Variants in MTCL2 observed in about 807,000 individuals in gnomAD.
The protein encoded by MTCL2 is microtubule cross-linking factor 2.
chr20:36,813,841 T>C, the MTCL2 span, among the ~76,000 whole-genome samples: 7 of 151,118 alleles, frequency 4.6e-5, no homozygotes, highest in Admixed American at 2.6e-4. Flanking sequence ...TTCCCTGCCA[T>C]TGCTCTGAGG....
the MTCL2 span, among the ~76,000 whole-genome samples, chr20:36,840,428 A>C: frequency 6.6e-6 from 1 of 151,158 alleles, no homozygotes; most frequent in East Asian, 2.0e-4. Context: ...TCGGCCTCCC[A>C]AATTGCTGGG....
the MTCL2 span, among the ~76,000 whole-genome samples, chr20:36,813,313 T>TAA: frequency 7.6e-4 from 32 of 41,900 alleles, 4 homozygotes; most frequent in Non-Finnish European, 9.3e-4. Context: ...ACTGTTTCTT[T>TAA]AAAAAAAAAA....
At chr20:36,805,764 T>C in the MTCL2 span, 2 of 1,155,900 alleles carry the variant, frequency 1.7e-6, no homozygotes, top group East Asian at 2.6e-5. Flanking sequence ...TGTCCAGGAA[T>C]GGGGTCAGAG....
At chr20:36,790,227 A>G in the MTCL2 span, among the ~76,000 whole-genome samples, 2 of 151,152 alleles carry the variant, frequency 1.3e-5, no homozygotes, top group Non-Finnish European at 2.9e-5. Flanking sequence ...TCCTGACCTC[A>G]TGATCCACCC....
the MTCL2 span, chr20:36,815,070 C>A: frequency 6.7e-7 from 1 of 1,483,874 alleles, no homozygotes. The surrounding 1 kb of genome is among the most constrained non-coding windows in gnomAD (Gnocchi z 5.3). Context: ...TCAAGAAAAA[C>A]AAAACAAAAC....
chr20:36,833,825 C>T, the MTCL2 span, among the ~76,000 whole-genome samples: 33 of 152,006 alleles, frequency 2.2e-4, no homozygotes, highest in South Asian at 1.0e-3. Flanking sequence ...GTACTGCAGC[C>T]TGGGTGACAA....
the MTCL2 span, chr20:36,812,982 G>C: frequency 9.5e-7 from 1 of 1,053,404 alleles, no homozygotes; most frequent in East Asian, 2.6e-5. Flanking sequence ...GACCCTGGTA[G>C]ATTCACCTCT....
chr20:36,783,830 G>C, the MTCL2 span: 1 of 985,078 alleles, frequency 1.0e-6, no homozygotes, highest in Non-Finnish European at 1.2e-6. Flanking sequence ...CCCCAAAAAA[G>C]AAAACAACCA....
chr20:36,828,678 T>G, the MTCL2 span: 3 of 193,314 alleles, frequency 1.6e-5, no homozygotes, highest in Non-Finnish European at 2.1e-5. Flanking sequence ...CACTGCCCCA[T>G]TGTATAGGTA....
At chr20:36,817,707 G>A in the MTCL2 span, among the ~76,000 whole-genome samples, 2 of 152,198 alleles carry the variant, frequency 1.3e-5, no homozygotes, top group Non-Finnish European at 2.9e-5. Context: ...CACCTGCTCA[G>A]GGCTCCTCCC....
the MTCL2 span, chr20:36,815,858 G>T: frequency 6.2e-7 from 1 of 1,603,094 alleles, no homozygotes; most frequent in South Asian, 1.1e-5. The surrounding 1 kb of genome is among the most constrained non-coding windows in gnomAD (Gnocchi z 5.3). Context: ...CGGCAGAGGA[G>T]CGCCGCAGCA....
At chr20:36,784,998 C>A in the MTCL2 span, 1 of 985,446 alleles carries the variant, frequency 1.0e-6, no homozygotes. Flanking sequence ...AGAAAGGTGT[C>A]AGAGGGAGGG....
the MTCL2 span, chr20:36,785,732 G>A: frequency 4.6e-5 from 45 of 985,348 alleles, no homozygotes; most frequent in Non-Finnish European, 5.3e-5. Flanking sequence ...TGCTGGGAAC[G>A]TTGGGGCCCC....
the MTCL2 span, among the ~76,000 whole-genome samples, chr20:36,814,804 T>C: frequency 4.6e-5 from 7 of 152,292 alleles, no homozygotes; most frequent in African/African-American, 1.7e-4. Flanking sequence ...GGAGAATCGC[T>C]TGAACCTGGG....
At chr20:36,798,569 A>T in the MTCL2 span, among the ~76,000 whole-genome samples, 1 of 152,216 alleles carries the variant, frequency 6.6e-6, no homozygotes, top group Non-Finnish European at 1.5e-5. Context: ...TGCCTTGGGC[A>T]ATTAGAACCG....
At chr20:36,829,513 CTTTTTTTT>C in the MTCL2 span, among the ~76,000 whole-genome samples, 2 of 106,524 alleles carry the variant, frequency 1.9e-5, no homozygotes, top group South Asian at 6.9e-4. Flanking sequence ...TTACCTGAGG[CTTTTTTTT>C]TTTTTTTTTT....
At chr20:36,785,225 T>C in the MTCL2 span, 1 of 985,226 alleles carries the variant, frequency 1.0e-6, no homozygotes, top group Non-Finnish European at 1.2e-6. Flanking sequence ...GGAGGCCAGG[T>C]CTCCAAACCT....
the MTCL2 span, among the ~76,000 whole-genome samples, chr20:36,852,161 GGCA>G: frequency 6.6e-6 from 1 of 152,188 alleles, no homozygotes; most frequent in African/African-American, 2.4e-5. Flanking sequence ...CACTCTGCGA[GGCA>G]GCAACCACAC....
chr20:36,854,046 G>A, the MTCL2 span, among the ~76,000 whole-genome samples: 2 of 152,132 alleles, frequency 1.3e-5, no homozygotes, highest in Non-Finnish European at 2.9e-5. Flanking sequence ...AGAAGGCAAA[G>A]CTCCAAAGAG....
Sources: gnomAD v4.1 joint callset for allele counts (sites outside exome capture counted in the v4.1 genomes callset) on GRCh38, gnomAD v4.1.1 for gene constraint, Gnocchi (gnomAD v3.1) non-coding constraint, MANE v1.5 for transcripts, NCBI Gene and HGNC (gene_info 2026-07-23, HGNC 2026-07-21) for gene names.